Variants in SLC25A23 observed in about 807,000 individuals in gnomAD.
SLC25A23 encodes the protein solute carrier family 25 member 23.
A neutral mutation model predicts 53.9 loss-of-function variants in SLC25A23; 32 were observed. The observed-to-expected ratio is 0.59, with a 90% CI of 0.45 to 0.80. The LOEUF is 0.80. Ranked by LOEUF, SLC25A23 falls within the 30% of genes least tolerant of loss-of-function variation. The pLI is 0.00. For synonymous variants in SLC25A23, 275 were observed against 264.5 expected (o/e 1.04, Z -0.38); for missense variants, 575 against 651.4 (o/e 0.88, Z 1.28).
At position 6,440,925 on chromosome 19, in the gene SLC25A23, G is replaced by A. The variant is rs2092412288; in HGVS notation, c.*1050C>T. On this transcript the variant is annotated 3_prime_UTR_variant, in exon 10 of 10. Coordinates refer to ENST00000301454, the MANE Select transcript of SLC25A23 (RefSeq NM_024103.3). ...CCGGGGATTCAGGGCTTGGGATTCAGTGCCTTGGAATATCAGGATCTGCCT... is the reference window on the plus strand; with the variant it reads ...CCGGGGATTCAGGGCTTGGGATTCAATGCCTTGGAATATCAGGATCTGCCT... The A allele has an allele frequency of 6.6e-6, 1 of 152,282 alleles. No homozygotes were observed. Among genetic ancestry groups the A allele is most frequent in the Admixed American group, 6.6e-5 (1 of 15,266 alleles). 9.4% of individuals were successfully genotyped at this position (152,282 alleles called of 1,614,324 possible). A position where few individuals can be genotyped will look rare whatever the true frequency, so the allele number is the denominator to read the frequency against.
chr19:6,451,388 T>C (rs1456837555), intron 8 of SLC25A23, among the ~76,000 whole-genome samples: 1 of 151,818 alleles, frequency 6.6e-6, no homozygotes, highest in African/African-American at 2.4e-5. Flanking sequence ...AGACTCCGTC[T>C]CAAAAAAATA....
At chr19:6,458,709 C>T (rs949923725) in intron 1 of SLC25A23, among the ~76,000 whole-genome samples, 1 of 152,190 alleles carries the variant, frequency 6.6e-6, no homozygotes, top group Non-Finnish European at 1.5e-5. Context: ...CCAGCTGCCT[C>T]TTAAAAAACC....
rs780610489 is a variant in SLC25A23 at position 6,442,033 on chromosome 19, C to A, written c.1349G>T (p.Ser450Ile). Residue 450 changes from serine (S) to isoleucine (I), a missense_variant, in exon 10 of 10, where the codon AGC (serine) becomes ATC (isoleucine). By Grantham distance (142) the Ser-to-Ile change is moderately radical. Coordinates refer to ENST00000301454, the MANE Select transcript of SLC25A23 (RefSeq NM_024103.3). ...PNFMKVIPAVSISYVVYENMK... is the reference protein window; with the variant it reads ...PNFMKVIPAVIISYVVYENMK... ...GTTCTCGTAGACCACATAGGAGATG[C>A]TCACAGCTGGAATAACCTTCATGAA... 1 of 1,613,906 alleles carries A rather than the reference C, an allele frequency of 6.2e-7. No individual in the cohort carries two copies. Among genetic ancestry groups the A allele is most frequent in the Admixed American group, 1.7e-5 (1 of 60,002 alleles).
In SLC25A23 at chr19:6,459,729, C is replaced by T; in HGVS notation, c.-101G>A. 9.8e-7 allele frequency: 1 copy of T among 1,016,924 alleles called. No homozygotes were observed. The highest frequency in any genetic ancestry group is 1.2e-6 in the Non-Finnish European group (1 of 801,572). The allele number at this position is 1,016,924 out of a possible 1,614,324, so 63.0% of individuals were successfully genotyped here. The stretch of plus-strand genomic sequence containing the variant: ...CGGGACCCCGCAGGGTCAGCTCCCG[C>T]GGCCGCCGGCTCCGCAGCCTCCGCG... On this transcript the variant is annotated 5_prime_UTR_variant, in exon 1 of 10. Coordinates refer to ENST00000301454, the MANE Select transcript of SLC25A23 (RefSeq NM_024103.3). The surrounding 1 kb of genome is among the most constrained non-coding windows in gnomAD (Gnocchi z 4.6).
downstream of SLC25A23, among the ~76,000 whole-genome samples, chr19:6,439,395 T>TCGCACACA (rs1177276755): frequency 7.7e-6 from 1 of 129,506 alleles, no homozygotes; most frequent in African/African-American, 3.3e-5. Flanking sequence ...TCTCTCTCTC[T>TCGCACACA]CTCTCACACA....
At chr19:6,437,473 G>A (rs1452742255), downstream of SLC25A23, among the ~76,000 whole-genome samples, 3 of 152,118 alleles carry the variant, frequency 2.0e-5, no homozygotes, top group African/African-American at 7.2e-5. Flanking sequence ...GGTTACACTG[G>A]ATTGGGGGGG....
intron 8 of SLC25A23, 32 bp from the exon 9 acceptor site, chr19:6,444,333 G>T: frequency 1.3e-6 from 2 of 1,531,514 alleles, no homozygotes; most frequent in Non-Finnish European, 1.8e-6. Flanking sequence ...GGAGGGTTGG[G>T]GTGGGTGACC....
chr19:6,436,295 G>A (rs1438410492), downstream of SLC25A23: 3 of 395,972 alleles, frequency 7.6e-6, no homozygotes, highest in Non-Finnish European at 1.6e-5. Flanking sequence ...CAGTTGTTTC[G>A]GTGGAGGGAT....
At chr19:6,456,702 C>T (rs761950660) in intron 3 of SLC25A23, among the ~76,000 whole-genome samples, 171 bp from the exon 4 acceptor site, 18 of 151,670 alleles carry the variant, frequency 1.2e-4, no homozygotes, top group Non-Finnish European at 2.4e-4. Context: ...TTTTTTGAGA[C>T]GGAGTCTTGC....
chr19:6,437,606 A>G (rs2092344698), downstream of SLC25A23, among the ~76,000 whole-genome samples: 1 of 151,860 alleles, frequency 6.6e-6, no homozygotes, highest in South Asian at 2.1e-4. Context: ...TCAGGAGTTC[A>G]AGACCATCCT....
intron 4 of SLC25A23, among the ~76,000 whole-genome samples, chr19:6,455,322 C>T (rs2092662824): frequency 6.6e-6 from 1 of 152,004 alleles, no homozygotes; most frequent in African/African-American, 2.4e-5. Flanking sequence ...CTGAAGGATC[C>T]CACTCAAGGG....
intron 8 of SLC25A23, among the ~76,000 whole-genome samples, chr19:6,449,098 A>G (rs1361612803): frequency 6.6e-6 from 1 of 152,050 alleles, no homozygotes; most frequent in Non-Finnish European, 1.5e-5. Context: ...AAAAAAGTTA[A>G]ATCACTTTAC....
Position 6,442,080 on chromosome 19 carries a change from G to C in SLC25A23, c.1302C>G (p.Leu434=). ...TGAAGTTGGGGGCGATCCCCCGGTA[G>C]AGGCCCCGCATGCCCTCCTGGGACA... The part of the protein sequence containing the change: ...HILSQEGMRG[L]YRGIAPNFMK... Residue 434 remains leucine, a synonymous_variant, in exon 10 of 10, where the codon CTC becomes CTG. Coordinates refer to ENST00000301454, the MANE Select transcript of SLC25A23 (RefSeq NM_024103.3). 1 of 1,613,054 alleles carries C rather than the reference G, an allele frequency of 6.2e-7. No individual in the cohort carries two copies. Among genetic ancestry groups the C allele is most frequent in the Non-Finnish European group, 8.5e-7 (1 of 1,179,568 alleles).
At chr19:6,444,604 G>C (rs2092476315) in intron 8 of SLC25A23, among the ~76,000 whole-genome samples, 1 of 152,154 alleles carries the variant, frequency 6.6e-6, no homozygotes, top group South Asian at 2.1e-4. Flanking sequence ...ATCTTGAGAT[G>C]AGATTATTTT....
At position 6,442,164 on chromosome 19, in the gene SLC25A23, GA is replaced by G; in HGVS notation, c.1223-6del. ...GGGGGCCACCCTCGATGGAGGCTGGGAGGGGGCGGGGGGGGCACCAGGTAAG... is the reference window on the plus strand; with the variant it reads ...GGGGGCCACCCTCGATGGAGGCTGGGGGGGGCGGGGGGGGCACCAGGTAAG... On this transcript the variant is annotated splice_region_variant and splice_polypyrimidine_tract_variant and intron_variant, in intron 9 of 9. Transcript: ENST00000301454. 8.7e-6 allele frequency: 13 copies of G among 1,497,552 alleles called. No homozygotes were observed. The highest frequency in any genetic ancestry group is 2.3e-5 in the East Asian group (1 of 42,758). 92.8% of individuals were successfully genotyped at this position (1,497,552 alleles called of 1,614,324 possible). A position where few individuals can be genotyped will look rare whatever the true frequency, so the allele number is the denominator to read the frequency against.
intron 8 of SLC25A23, among the ~76,000 whole-genome samples, chr19:6,445,832 G>A (rs1282106382): frequency 1.3e-5 from 2 of 151,934 alleles, no homozygotes; most frequent in African/African-American, 4.8e-5. Flanking sequence ...CAAGAGGATC[G>A]TTTGAGCCCA....
chr19:6,443,657 C>T (rs2092459569), intron 9 of SLC25A23: 1 of 695,406 alleles, frequency 1.4e-6, no homozygotes, highest in Admixed American at 2.1e-5. Flanking sequence ...ACTGACACAT[C>T]TCCAGTGAAA....
In SLC25A23 at chr19:6,459,519, C is replaced by T. The variant is rs775624617; in HGVS notation, c.110G>A (p.Gly37Glu). Reference sequence around the variant, plus strand: ...GTTGCCCCCGCCCAGCCTGGCCAGCCCCTGGCGCAACTCGTGCACGTCCAC... The same window carrying T: ...GTTGCCCCCGCCCAGCCTGGCCAGCTCCTGGCGCAACTCGTGCACGTCCAC... ...GRVDVHELRQ[G>E]LARLGGGNPD... is the part of the protein sequence containing the mutation. Residue 37 changes from glycine (G) to glutamate (E), a missense_variant, in exon 1 of 10, where the codon GGG becomes GAG. Gly to Glu is a moderately conservative substitution (Grantham distance 98). Coordinates refer to ENST00000301454, the MANE Select transcript of SLC25A23 (RefSeq NM_024103.3). The surrounding 1 kb of genome is among the most constrained non-coding windows in gnomAD (Gnocchi z 4.6). 1.3e-6 allele frequency: 2 copies of T among 1,597,480 alleles called. No individual in the cohort carries two copies. Among genetic ancestry groups the T allele is most frequent in the East Asian group, 2.3e-5 (1 of 43,820 alleles).
intron 9 of SLC25A23, chr19:6,443,547 A>G (rs2092457245): frequency 1.4e-6 from 1 of 701,242 alleles, no homozygotes; most frequent in South Asian, 1.5e-5. Flanking sequence ...CCTTTATACA[A>G]CCCTAAATCA....
Sources: allele counts gnomAD v4.1 joint callset (sites outside exome capture counted in the v4.1 genomes callset), GRCh38; gene constraint gnomAD v4.1.1; non-coding constraint Gnocchi (gnomAD v3.1); transcripts MANE v1.5; gene names NCBI Gene and HGNC (gene_info 2026-07-23, HGNC 2026-07-21).